CERS3: variants seen among roughly 807,000 people sequenced by gnomAD.
The protein encoded by CERS3 is LAG1 homolog, ceramide synthase 3.
A neutral mutation model predicts 50.3 loss-of-function variants in CERS3; 33 were observed. The observed-to-expected ratio is 0.66, with a 90% confidence interval of 0.50 to 0.88. The LOEUF (loss-of-function observed/expected upper bound fraction) is 0.88. Among genes scored for constraint, CERS3 ranks in the 40% least tolerant of loss-of-function variants. The pLI, the probability that CERS3 is intolerant of heterozygous loss-of-function variation, is 0.00. For missense variants in CERS3, 470 were observed against 460.3 expected (o/e 1.02, Z -0.19); for synonymous variants, 176 against 155.2 (o/e 1.13, Z -0.99).
intron 11 of CERS3, among the ~76,000 whole-genome samples, chr15:100,416,572 T>G (rs918679338): frequency 6.6e-6 from 1 of 152,148 alleles, no homozygotes; most frequent in East Asian, 1.9e-4. Context: ...CTCAGGAAAC[T>G]TACAATCGTG....
chr15:100,540,629 C>T (rs1319729871), intron 1 of CERS3, among the ~76,000 whole-genome samples: 2 of 152,182 alleles, frequency 1.3e-5, no homozygotes, highest in Admixed American at 6.5e-5. Flanking sequence ...TATATGCAGC[C>T]TTATTCTTTA....
At chr15:100,433,647 C>A (rs1198049988) in intron 11 of CERS3, among the ~76,000 whole-genome samples, 1 of 152,140 alleles carries the variant, frequency 6.6e-6, no homozygotes, top group East Asian at 1.9e-4. Context: ...AGCCCAGCTA[C>A]CCTCACTCCC....
chr15:100,445,292 C>T (rs1410489360), intron 11 of CERS3, among the ~76,000 whole-genome samples: 9 of 130,304 alleles, frequency 6.9e-5, no homozygotes, highest in East Asian at 2.2e-4. Context: ...ACTACTCATA[C>T]GTGCCCTGCT....
chr15:100,435,203 C>A (rs537600870), intron 11 of CERS3, among the ~76,000 whole-genome samples: 1 of 152,144 alleles, frequency 6.6e-6, no homozygotes, highest in Admixed American at 6.5e-5. Context: ...AAAACCATTG[C>A]CAGAAAACAT....
intron 11 of CERS3, among the ~76,000 whole-genome samples, chr15:100,440,093 T>C (rs1252031158): frequency 6.6e-6 from 1 of 152,222 alleles, no homozygotes; most frequent in Non-Finnish European, 1.5e-5. Flanking sequence ...CGTTTCTCCA[T>C]GGGGACAGGA....
chr15:100,503,056 G>A (rs774801019), intron 2 of CERS3, among the ~76,000 whole-genome samples: 1 of 152,194 alleles, frequency 6.6e-6, no homozygotes. Flanking sequence ...TAATATCATT[G>A]TTTAGGCTGT....
At chr15:100,426,952 T>C (rs1414434394) in intron 11 of CERS3, among the ~76,000 whole-genome samples, 1 of 152,220 alleles carries the variant, frequency 6.6e-6, no homozygotes, top group East Asian at 1.9e-4. Flanking sequence ...GGTCCTTTGA[T>C]ACGGGTCCCT....
At chr15:100,468,260 A>G (rs2034848387) in intron 10 of CERS3, among the ~76,000 whole-genome samples, 1 of 152,144 alleles carries the variant, frequency 6.6e-6, no homozygotes, top group African/African-American at 2.4e-5. Context: ...GCCAACCCTT[A>G]TTTCCATTTT....
chr15:100,457,220 T>C (rs968931318), intron 10 of CERS3, among the ~76,000 whole-genome samples: 9 of 152,268 alleles, frequency 5.9e-5, no homozygotes, highest in Middle Eastern at 6.8e-3. Flanking sequence ...AAATTTACTG[T>C]TTTTTGGTAT....
intron 1 of CERS3, among the ~76,000 whole-genome samples, chr15:100,527,709 A>G (rs1290634336): frequency 2.6e-5 from 4 of 152,248 alleles, no homozygotes; most frequent in African/African-American, 7.2e-5. Flanking sequence ...TAAAGGGGAA[A>G]ATGCACGTAC....
intron 7 of CERS3, among the ~76,000 whole-genome samples, chr15:100,476,540 A>G (rs1596728322): frequency 6.6e-6 from 1 of 152,160 alleles, no homozygotes; most frequent in African/African-American, 2.4e-5. Flanking sequence ...CCTACAATTT[A>G]CTTTGATTAA....
intron 11 of CERS3, among the ~76,000 whole-genome samples, chr15:100,430,317 A>C (rs562998625): frequency 6.6e-6 from 1 of 152,204 alleles, no homozygotes; most frequent in Non-Finnish European, 1.5e-5. Flanking sequence ...GTCTCAAAAA[A>C]AAAAAGAATG....
rs760594142 is a variant in CERS3, at chr15:100,483,787, A to ATTATTATTATTATT, written c.407+762_407+763insAATAATAATAATAA. ...AATAATAATAATAATTATTATTATTATTTTTTTTTTTGAGACAGAGTCTTG... is the reference window on the plus strand; with the variant it reads ...AATAATAATAATAATTATTATTATTATTATTATTATTATTTTTTTTTTTTTGAGACAGAGTCTTG... On this transcript the variant is annotated intron_variant, in intron 5 of 11. Coordinates refer to ENST00000679737, the MANE Select transcript of CERS3 (RefSeq NM_001378789.1). Among the ~76,000 whole-genome samples the ATTATTATTATTATT allele has an allele frequency of 7.4e-4, 74 of 100,028 alleles. 2 individuals carry two copies. The highest frequency in any genetic ancestry group is 2.5e-3 in the African/African-American group (66 of 26,136). 65.6% of individuals were successfully genotyped at this position (100,028 alleles called of 152,430 possible). A position where few individuals can be genotyped will look rare whatever the true frequency, so the allele number is the denominator to read the frequency against.
At chr15:100,464,634 A>C (rs905227830) in intron 10 of CERS3, among the ~76,000 whole-genome samples, 3 of 152,202 alleles carry the variant, frequency 2.0e-5, no homozygotes, top group African/African-American at 7.2e-5. Context: ...CTAGCCTAAT[A>C]ACTCTCTGTG....
intron 10 of CERS3, among the ~76,000 whole-genome samples, chr15:100,465,530 C>A (rs2034683578): frequency 6.6e-6 from 1 of 152,156 alleles, no homozygotes; most frequent in Admixed American, 6.5e-5. Context: ...CTTCAGAGAC[C>A]ATTGAAAATT....
chr15:100,426,794 C>G (rs2032840694), intron 11 of CERS3, among the ~76,000 whole-genome samples: 1 of 152,170 alleles, frequency 6.6e-6, no homozygotes, highest in African/African-American at 2.4e-5. Flanking sequence ...CTAGTCTCCT[C>G]CCCTTAACAC....
intron 7 of CERS3, among the ~76,000 whole-genome samples, chr15:100,476,917 A>C (rs996533186): frequency 6.6e-6 from 1 of 152,152 alleles, no homozygotes; most frequent in Admixed American, 6.5e-5. Context: ...GAGACTTTAT[A>C]AGTACCATGT....
chr15:100,428,507 T>C (rs2032950661), intron 11 of CERS3, among the ~76,000 whole-genome samples: 1 of 152,244 alleles, frequency 6.6e-6, no homozygotes. Flanking sequence ...TTGCTGCCCA[T>C]TGTGGGACGT....
intron 10 of CERS3, among the ~76,000 whole-genome samples, chr15:100,464,049 C>T (rs1242498017): frequency 6.6e-6 from 1 of 152,050 alleles, no homozygotes; most frequent in African/African-American, 2.4e-5. Flanking sequence ...GTCTCATTGT[C>T]GATAATATTC....
Sources: gnomAD v4.1 joint callset for allele counts (sites outside exome capture counted in the v4.1 genomes callset) on GRCh38, gnomAD v4.1.1 for gene constraint, MANE v1.5 for transcripts, NCBI Gene and HGNC (gene_info 2026-07-23, HGNC 2026-07-21) for gene names.